The following NOTCH2 variants were observed in gnomAD, a reference collection of about 807,000 sequenced individuals.
NOTCH2 encodes neurogenic locus notch homolog protein 2.
NOTCH2 carries 29 observed loss-of-function variants against 235.8 expected under a neutral mutation model. That is an observed-to-expected ratio of 0.12 (90% CI 0.09 to 0.17). The LOEUF (loss-of-function observed/expected upper bound fraction) is 0.17. Ranked by LOEUF, NOTCH2 falls within the 10% of genes least tolerant of loss-of-function variation. The pLI, the probability that NOTCH2 is intolerant of heterozygous loss-of-function variation, is 1.00. For synonymous variants in NOTCH2, 1,086 were observed against 1,141.5 expected, an observed-to-expected ratio of 0.95 and a Z score of 0.98; for missense variants, 2,285 against 3,150.2, an observed-to-expected ratio of 0.73 and a Z score of 6.57.
chr1:119,953,441 G>A (rs1553198026), intron 14 of NOTCH2, 102 bp downstream of exon 14: 5 of 1,259,784 alleles, frequency 4.0e-6, no homozygotes, highest in Admixed American at 3.4e-5. Flanking sequence ...TTTGTTACAC[G>A]AATGAATGAA....
chr1:120,064,584 C>A (rs587660782), intron 1 of NOTCH2, among the ~76,000 whole-genome samples: 14 of 152,146 alleles, frequency 9.2e-5, no homozygotes, highest in African/African-American at 3.4e-4. Flanking sequence ...ACATGCCAGA[C>A]AAGTTCTGTA....
chr1:119,953,790 A>C (rs1650578853), intron 13 of NOTCH2, 102 bp from the exon 14 acceptor site: 1,075 of 986,802 alleles, frequency 1.1e-3, no homozygotes, highest in Non-Finnish European at 1.5e-3. Context: ...AACTGATCTC[A>C]TTTCTACTTT....
intron 1 of NOTCH2, among the ~76,000 whole-genome samples, chr1:120,048,558 C>T (rs1369153131): frequency 1.4e-5 from 2 of 140,328 alleles, no homozygotes; most frequent in African/African-American, 5.7e-5. Context: ...AAGCAATCCT[C>T]CTGCCTCAGC....
At chr1:120,025,004 GTT>G (rs144108943) in intron 2 of NOTCH2, among the ~76,000 whole-genome samples, 1 of 147,942 alleles carries the variant, frequency 6.8e-6, no homozygotes, top group Admixed American at 6.8e-5. Flanking sequence ...TTACAGTTTT[GTT>G]TTTTTTTTTA....
At position 119,915,914 on chromosome 1, in the gene NOTCH2, T is replaced by C. The variant is rs145628676; in HGVS notation, c.6808A>G (p.Met2270Val). 8.7e-6 allele frequency: 14 copies of C among 1,614,156 alleles called. No homozygotes were observed. The Admixed American group carries it at 1.3e-4, about 15-fold the overall frequency. The change falls in exon 34 of 34, where the codon ATG (methionine) becomes GTG (valine). Residue 2270 changes from methionine (M) to valine (V), a missense_variant. Physicochemically the swap from Met to Val is conservative, Grantham distance 21. Around this residue, in one of 6 missense-constraint regions of NOTCH2, gnomAD observed 504 missense variants for 538.0 expected, o/e 0.94. Transcript: ENST00000256646. ...NETQYNEMFGMVLAPAEGTHP... is the reference protein window; with the variant it reads ...NETQYNEMFGVVLAPAEGTHP... ...GTGCCCTCAGCTGGAGCCAGGACCA[T>C]ACCAAACATCTCATTGTACTGGGTC...
At chr1:119,934,212 C>T (rs1366332107) in intron 22 of NOTCH2, among the ~76,000 whole-genome samples, 2 of 152,194 alleles carry the variant, frequency 1.3e-5, no homozygotes, top group Admixed American at 1.3e-4. Flanking sequence ...GGATCTTCTT[C>T]ACTTTTCACC....
At chr1:119,928,926 T>G (rs781826423) in intron 23 of NOTCH2, 50 bp downstream of exon 23, 5 of 1,540,828 alleles carry the variant, frequency 3.2e-6, no homozygotes, top group Admixed American at 1.7e-5. Flanking sequence ...ATTTGTTCAC[T>G]AAAACCATCC....
At chr1:119,933,670 A>G (rs587671139) in intron 22 of NOTCH2, among the ~76,000 whole-genome samples, 1 of 152,356 alleles carries the variant, frequency 6.6e-6, no homozygotes, top group South Asian at 2.1e-4. Flanking sequence ...TAATATCAAA[A>G]CTAGTATTCT....
chr1:120,030,101 T>C (rs1368721112), intron 1 of NOTCH2, 114 bp from the exon 2 acceptor site: 1 of 615,794 alleles, frequency 1.6e-6, no homozygotes, highest in African/African-American at 1.9e-5. Context: ...TCTGGGTTTC[T>C]TTTTAGAGTT....
chr1:119,987,948 T>G (rs1428892019), intron 4 of NOTCH2, among the ~76,000 whole-genome samples: 3 of 152,204 alleles, frequency 2.0e-5, no homozygotes, highest in African/African-American at 7.2e-5. Context: ...ATGTTGGGCC[T>G]CTTACTTTCT....
Position 119,912,994 on chromosome 1 carries a change from A to G in NOTCH2, c.*2312T>C. Reference sequence around the variant, plus strand: ...TTAAGGAAAAGGGAGGATATAAAATATCCAGTGGCTGGATCAGTAGCTGAT... The same window carrying G: ...TTAAGGAAAAGGGAGGATATAAAATGTCCAGTGGCTGGATCAGTAGCTGAT... On this transcript the variant is annotated 3_prime_UTR_variant, in exon 34 of 34. Coordinates refer to ENST00000256646, the MANE Select transcript of NOTCH2 (RefSeq NM_024408.4). 4.3e-6 allele frequency: 1 copy of G among 233,550 alleles called. No individual in the cohort carries two copies. Among genetic ancestry groups the G allele is most frequent in the Non-Finnish European group, 8.5e-6 (1 of 118,048 alleles). The allele number at this position is 233,550 out of a possible 1,614,324, so 14.5% of individuals were successfully genotyped here. A position where few individuals can be genotyped will look rare whatever the true frequency, so the allele number is the denominator to read the frequency against.
chr1:119,937,604 C>A (rs1649905728), intron 20 of NOTCH2, 138 bp from the exon 21 acceptor site: 1 of 856,254 alleles, frequency 1.2e-6, no homozygotes, highest in African/African-American at 1.7e-5. Flanking sequence ...ACCCTCAGTA[C>A]CAGATGCATA....
intron 15 of NOTCH2, chr1:119,950,496 A>T (rs1157479724): frequency 3.0e-6 from 2 of 669,108 alleles, no homozygotes; most frequent in Non-Finnish European, 5.5e-6. Context: ...AATTTCTTTC[A>T]AATACTAAAG....
At chr1:120,006,993 T>C (rs1653004774) in intron 2 of NOTCH2, among the ~76,000 whole-genome samples, 1 of 152,188 alleles carries the variant, frequency 6.6e-6, no homozygotes, top group Non-Finnish European at 1.5e-5. Context: ...CTAAAATGGC[T>C]AAAGGAGAAA....
In NOTCH2 at chr1:120,028,392, C is replaced by A. The variant is rs587739014; in HGVS notation, c.155+1514G>T. On this transcript the variant is annotated intron_variant, in intron 2 of 33. Transcript: ENST00000256646. ...CCTACTCTAAGGTATTAAGTTCCCT[C>A]CCTTATTATCTCCAGTTGTATCTCC... Among the ~76,000 whole-genome samples the A allele has an allele frequency of 7.3e-5, 11 of 151,226 alleles. No homozygotes were observed. In the East Asian group the frequency reaches 1.6e-3, roughly 22 times the overall value.
intron 1 of NOTCH2, among the ~76,000 whole-genome samples, chr1:120,065,941 A>G (rs1553217004): frequency 6.6e-6 from 1 of 151,696 alleles, no homozygotes; most frequent in African/African-American, 2.4e-5. Context: ...CACGCCTTGC[A>G]GTTTTTTACT....
intron 7 of NOTCH2, 113 bp from the exon 8 acceptor site, chr1:119,967,734 C>T: frequency 3.3e-6 from 3 of 910,426 alleles, no homozygotes; most frequent in Non-Finnish European, 5.3e-6. Context: ...TCAATAATAT[C>T]ATTCCCAATT....
At chr1:119,960,265 T>C (rs149789980) in intron 11 of NOTCH2, among the ~76,000 whole-genome samples, 1 of 152,244 alleles carries the variant, frequency 6.6e-6, no homozygotes, top group African/African-American at 2.4e-5. Context: ...GGAATTTGTA[T>C]CTATCACTGT....
At chr1:120,001,616 G>A (rs1652754218) in intron 3 of NOTCH2, among the ~76,000 whole-genome samples, 2 of 152,040 alleles carry the variant, frequency 1.3e-5, no homozygotes, top group African/African-American at 4.8e-5. Flanking sequence ...CTACTTGGTG[G>A]CAGGTTGATT....
Sources: allele counts gnomAD v4.1 joint callset (sites outside exome capture counted in the v4.1 genomes callset), GRCh38; gene constraint gnomAD v4.1.1; regional missense constraint gnomAD v4.1.1; transcripts MANE v1.5; gene names NCBI Gene and HGNC (gene_info 2026-07-23, HGNC 2026-07-21).